CHCHD6: variants seen among roughly 807,000 people sequenced by gnomAD.
The protein encoded by CHCHD6 is coiled-coil-helix-coiled-coil-helix domain containing 6.
In CHCHD6, 28 loss-of-function variants were observed where a neutral mutation model predicts 32.3. The ratio of observed to expected loss-of-function variants is 0.87; its 90% CI spans 0.64 to 1.19. The LOEUF (loss-of-function observed/expected upper bound fraction) is 1.19. CHCHD6 is among the 50% of genes most tolerant of loss of function. The probability of loss-of-function intolerance (pLI) is 0.00; values close to 1 mark genes in which losing one functional copy is unlikely to be tolerated. For synonymous variants in CHCHD6, 122 were observed against 117.5 expected (o/e 1.04, Z -0.25); for missense variants, 333 against 307.0 (o/e 1.08, Z -0.63).
intron 4 of CHCHD6, among the ~76,000 whole-genome samples, chr3:126,805,369 C>T (rs1324397726): frequency 6.6e-6 from 1 of 152,036 alleles, no homozygotes; most frequent in African/African-American, 2.4e-5. Flanking sequence ...GATACAAAAT[C>T]AATGTGCAAA....
At chr3:126,903,497 A>T (rs2077960847) in intron 5 of CHCHD6, among the ~76,000 whole-genome samples, 1 of 152,204 alleles carries the variant, frequency 6.6e-6, no homozygotes, top group African/African-American at 2.4e-5. Context: ...GATCACTAGT[A>T]AGTAGCAGAA....
chr3:126,865,589 C>T (rs1942263539), intron 5 of CHCHD6: 10 of 985,376 alleles, frequency 1.0e-5, no homozygotes, highest in Non-Finnish European at 1.2e-5. Context: ...TCTTCCTCTA[C>T]CACCTCCACA....
intron 5 of CHCHD6, among the ~76,000 whole-genome samples, chr3:126,855,471 TG>T (rs1941632554): frequency 6.6e-6 from 1 of 152,200 alleles, no homozygotes; most frequent in South Asian, 2.1e-4. Flanking sequence ...ACAGCAGTAC[TG>T]GGGGCTCTGT....
intron 5 of CHCHD6, among the ~76,000 whole-genome samples, chr3:126,894,560 GCAGGGC>G (rs1292705522): frequency 2.6e-5 from 4 of 152,186 alleles, no homozygotes; most frequent in Non-Finnish European, 4.4e-5. Flanking sequence ...CTTCTCAGGG[GCAGGGC>G]CCATTTCTTC....
At chr3:126,958,761 C>T (rs979573986) in intron 7 of CHCHD6, among the ~76,000 whole-genome samples, 13 of 152,198 alleles carry the variant, frequency 8.5e-5, no homozygotes, top group Admixed American at 1.3e-4. Flanking sequence ...GCCTCCTCCT[C>T]CATCTCAGAG....
chr3:126,838,855 A>G (rs934327226), intron 4 of CHCHD6, among the ~76,000 whole-genome samples: 1 of 151,086 alleles, frequency 6.6e-6, no homozygotes, highest in East Asian at 1.9e-4. Context: ...CCCAAAATCA[A>G]CTTCTCAGCA....
At chr3:126,789,072 G>A (rs891344296) in intron 4 of CHCHD6, among the ~76,000 whole-genome samples, 20 of 152,220 alleles carry the variant, frequency 1.3e-4, no homozygotes, top group African/African-American at 2.9e-4. Context: ...CCTTCATTTC[G>A]TTATGTATCC....
intron 5 of CHCHD6, among the ~76,000 whole-genome samples, chr3:126,872,519 A>G (rs1429416737): frequency 1.3e-5 from 2 of 152,174 alleles, no homozygotes; most frequent in African/African-American, 4.8e-5. Flanking sequence ...GAGCACACCT[A>G]TGCCTACATG....
intron 4 of CHCHD6, among the ~76,000 whole-genome samples, chr3:126,788,897 C>T (rs1334752609): frequency 6.6e-6 from 1 of 152,090 alleles, no homozygotes; most frequent in Non-Finnish European, 1.5e-5. Context: ...TTCTCTAGTT[C>T]TTTTAATTGT....
chr3:126,711,838 C>A (rs1216190635), intron 1 of CHCHD6, among the ~76,000 whole-genome samples: 1 of 152,214 alleles, frequency 6.6e-6, no homozygotes, highest in African/African-American at 2.4e-5. Flanking sequence ...TTCTCTGCTG[C>A]TTTTCAATGA....
chr3:126,845,123 A>G (rs1941249787), intron 4 of CHCHD6, among the ~76,000 whole-genome samples: 1 of 152,252 alleles, frequency 6.6e-6, no homozygotes, highest in Admixed American at 6.5e-5. Flanking sequence ...CCATAGCAAC[A>G]GGAACTAATA....
Position 126,816,391 on chromosome 3 carries a change from G to A in CHCHD6, c.412-36256G>A, listed in dbSNP as rs148362458. ...GGCTTTAGAGCCATTGTTTGGCTCT[G>A]TTTTTGTGTGATGAACTGGCTTTCT... On this transcript the variant is annotated intron_variant, in intron 4 of 7. Coordinates refer to ENST00000290913, the MANE Select transcript of CHCHD6 (RefSeq NM_032343.3). Among the ~76,000 whole-genome samples, 457 of 152,324 alleles carry A rather than the reference G, an allele frequency of 3.0e-3. 4 individuals are homozygous for A. The highest frequency in any genetic ancestry group is 0.01 in the African/African-American group (426 of 41,572).
Position 126,871,405 on chromosome 3 carries a change from A to G in CHCHD6, c.495+18675A>G, listed in dbSNP as rs940822998. ...CTGCCCTTCCTGTACTCTGTTAGGCATGGGTGCTTCTACGAAAACTTCCTC... is the reference window on the plus strand; with the variant it reads ...CTGCCCTTCCTGTACTCTGTTAGGCGTGGGTGCTTCTACGAAAACTTCCTC... On this transcript the variant is annotated intron_variant, in intron 5 of 7. Transcript: ENST00000290913. Among the ~76,000 whole-genome samples, 4 of 152,048 alleles carry G rather than the reference A, an allele frequency of 2.6e-5. No individual in the cohort carries two copies. In the East Asian group the frequency reaches 7.8e-4, roughly 30 times the overall value.
At chr3:126,812,736 C>T (rs1346870412) in intron 4 of CHCHD6, among the ~76,000 whole-genome samples, 1 of 152,008 alleles carries the variant, frequency 6.6e-6, no homozygotes, top group African/African-American at 2.4e-5. Flanking sequence ...CCGGCCGCAT[C>T]TCCATTCTTG....
At chr3:126,960,137 G>T in intron 7 of CHCHD6, 59 bp from the exon 8 acceptor site, 1 of 1,550,498 alleles carries the variant, frequency 6.4e-7, no homozygotes, top group South Asian at 1.2e-5. Context: ...GATCTGCACG[G>T]AGCTGGAGGG....
At chr3:126,814,278 G>A (rs1471804832) in intron 4 of CHCHD6, among the ~76,000 whole-genome samples, 1 of 152,194 alleles carries the variant, frequency 6.6e-6, no homozygotes, top group African/African-American at 2.4e-5. Flanking sequence ...TCTCTTTGCT[G>A]AAGCACAGAC....
intron 5 of CHCHD6, among the ~76,000 whole-genome samples, chr3:126,896,633 CTCT>C (rs2077844300): frequency 1.3e-5 from 2 of 152,258 alleles, no homozygotes; most frequent in African/African-American, 2.4e-5. Flanking sequence ...CTTGGCCCAG[CTCT>C]TCTTCTCATA....
intron 4 of CHCHD6, among the ~76,000 whole-genome samples, chr3:126,851,787 C>T (rs1252158016): frequency 6.6e-6 from 1 of 152,218 alleles, no homozygotes; most frequent in Admixed American, 6.5e-5. Context: ...AGACCTTGCC[C>T]ACTTCTGTTG....
chr3:126,799,471 G>A (rs1938960345), intron 4 of CHCHD6, among the ~76,000 whole-genome samples: 1 of 152,170 alleles, frequency 6.6e-6, no homozygotes, highest in South Asian at 2.1e-4. Context: ...GAGTACTCCT[G>A]TGATAAAACG....
Sources: allele counts gnomAD v4.1 joint callset (sites outside exome capture counted in the v4.1 genomes callset), GRCh38; gene constraint gnomAD v4.1.1; transcripts MANE v1.5; gene names NCBI Gene and HGNC (gene_info 2026-07-23, HGNC 2026-07-21).